The following SHISA9 variants were observed in gnomAD, a reference collection of about 807,000 sequenced individuals.
SHISA9 encodes protein shisa-9.
Under a neutral mutation model 38.0 loss-of-function variants are expected in SHISA9, and 13 were observed. The observed-to-expected ratio is 0.34, with a 90% confidence interval of 0.22 to 0.54. The LOEUF (loss-of-function observed/expected upper bound fraction) is 0.54. Ranked by LOEUF, SHISA9 falls within the 20% of genes least tolerant of loss-of-function variation. SHISA9 has a pLI of 0.91. For missense variants in SHISA9, 538 were observed against 575.8 expected (o/e 0.93, Z 0.67); for synonymous variants, 275 against 242.0 (o/e 1.14, Z -1.27).
At chr16:12,906,036 C>A (rs558501356) in intron 1 of SHISA9, among the ~76,000 whole-genome samples, 1 of 152,176 alleles carries the variant, frequency 6.6e-6, no homozygotes, top group African/African-American at 2.4e-5. Context: ...GGCAACTGAC[C>A]CAGTAGCCTT....
chr16:13,435,663 A>G, the SHISA9 span, among the ~76,000 whole-genome samples: 16 of 152,232 alleles, frequency 1.1e-4, no homozygotes, highest in Non-Finnish European at 2.1e-4. Flanking sequence ...TTATCAAGCC[A>G]GGTTCATTCT....
the SHISA9 span, among the ~76,000 whole-genome samples, chr16:13,362,268 C>T: frequency 7.0e-6 from 1 of 143,848 alleles, no homozygotes; most frequent in Non-Finnish European, 1.5e-5. Context: ...ACAAAAAAAA[C>T]CCCACAAAAA....
At chr16:13,527,560 T>C in the SHISA9 span, among the ~76,000 whole-genome samples, 5 of 152,184 alleles carry the variant, frequency 3.3e-5, no homozygotes, top group African/African-American at 1.2e-4. Context: ...GCAGTCAGTA[T>C]TTTTCTTGTA....
chr16:13,487,668 C>G, the SHISA9 span, among the ~76,000 whole-genome samples: 1 of 152,222 alleles, frequency 6.6e-6, no homozygotes, highest in African/African-American at 2.4e-5. Flanking sequence ...ACTCCATATA[C>G]TTTAAATCAT....
At chr16:13,395,186 G>A in the SHISA9 span, among the ~76,000 whole-genome samples, 10 of 152,116 alleles carry the variant, frequency 6.6e-5, no homozygotes, top group African/African-American at 2.2e-4. Context: ...GTGCACCTTC[G>A]AGGAGCTGAG....
intron 3 of SHISA9, among the ~76,000 whole-genome samples, chr16:13,211,976 A>G (rs1023924831): frequency 1.9e-4 from 28 of 150,956 alleles, no homozygotes; most frequent in African/African-American, 6.8e-4. Flanking sequence ...TAACTTCCTC[A>G]CTCTTCTCTC....
the SHISA9 span, among the ~76,000 whole-genome samples, chr16:13,298,431 C>A: frequency 1.3e-5 from 2 of 152,098 alleles, no homozygotes; most frequent in South Asian, 2.1e-4. Context: ...GAGATTATCA[C>A]CCAGACTTTG....
At chr16:13,228,806 TA>T (rs2142082687) in intron 4 of SHISA9, among the ~76,000 whole-genome samples, 1 of 152,266 alleles carries the variant, frequency 6.6e-6, no homozygotes, top group African/African-American at 2.4e-5. Context: ...CCCCAGGTAT[TA>T]AACCTAGTAC....
At chr16:13,373,550 C>T in the SHISA9 span, among the ~76,000 whole-genome samples, 1 of 152,126 alleles carries the variant, frequency 6.6e-6, no homozygotes, top group African/African-American at 2.4e-5. Context: ...ATCATGAGGT[C>T]AGGAGATCGA....
chr16:13,312,798 T>C, the SHISA9 span, among the ~76,000 whole-genome samples: 1 of 152,170 alleles, frequency 6.6e-6, no homozygotes, highest in Non-Finnish European at 1.5e-5. Context: ...TTACTAGTTT[T>C]CAAGTTTTAG....
the SHISA9 span, among the ~76,000 whole-genome samples, chr16:13,447,489 G>A: frequency 1.8e-4 from 28 of 152,184 alleles, no homozygotes; most frequent in African/African-American, 4.1e-4. Flanking sequence ...CCAGCAATGC[G>A]GGGCAGACAG....
At chr16:13,560,062 C>T in the SHISA9 span, among the ~76,000 whole-genome samples, 1 of 152,224 alleles carries the variant, frequency 6.6e-6, no homozygotes, top group East Asian at 1.9e-4. Flanking sequence ...ACTTGGGCAA[C>T]AGAGAAGTCC....
the SHISA9 span, among the ~76,000 whole-genome samples, chr16:13,551,601 A>G: frequency 6.6e-6 from 1 of 152,238 alleles, no homozygotes; most frequent in Non-Finnish European, 1.5e-5. Context: ...ATTCATGTAC[A>G]TAAGTACTTA....
In SHISA9 at chr16:12,911,289, GCAAA is replaced by G. The variant is rs1233864388; in HGVS notation, c.564-5393_564-5390del. On this transcript the variant is annotated intron_variant, in intron 1 of 4. Transcript: ENST00000558583. ...CTGAGAAGCACTCAAACTATGTGCC[GCAAA>G]CAAACGCCAAATTCTTAGGCATTTG... The G allele has an allele frequency of 1.8e-5, 18 of 985,268 alleles. No individual in the cohort carries two copies. In the African/African-American group the frequency reaches 3.0e-4, roughly 16 times the overall value. 61.0% of individuals were successfully genotyped at this position (985,268 alleles called of 1,614,324 possible). A position where few individuals can be genotyped will look rare whatever the true frequency, so the allele number is the denominator to read the frequency against.
intron 2 of SHISA9, among the ~76,000 whole-genome samples, chr16:13,078,611 G>A (rs1356353621): frequency 6.6e-6 from 1 of 152,058 alleles, no homozygotes; most frequent in Non-Finnish European, 1.5e-5. Flanking sequence ...TTGCCATGTT[G>A]ACCAAGCTGG....
At chr16:12,907,036 A>ATCCCCCT (rs139434096) in intron 1 of SHISA9, among the ~76,000 whole-genome samples, 1 of 125,076 alleles carries the variant, frequency 8.0e-6, no homozygotes, top group African/African-American at 3.2e-5. Flanking sequence ...CCTTCCCTCC[A>ATCCCCCT]TCCCCCTTCC....
At chr16:13,381,632 G>A in the SHISA9 span, among the ~76,000 whole-genome samples, 4 of 152,108 alleles carry the variant, frequency 2.6e-5, no homozygotes, top group African/African-American at 9.7e-5. Flanking sequence ...TATTCCTGCT[G>A]CTTTTCCTTT....
intron 2 of SHISA9, among the ~76,000 whole-genome samples, chr16:13,012,999 G>A (rs2072697199): frequency 6.6e-6 from 1 of 152,286 alleles, no homozygotes; most frequent in South Asian, 2.1e-4. Flanking sequence ...GGGAGACAGG[G>A]AGAAGGGGAC....
chr16:13,026,906 C>A (rs1029938617), intron 2 of SHISA9, among the ~76,000 whole-genome samples: 1 of 152,142 alleles, frequency 6.6e-6, no homozygotes, highest in African/African-American at 2.4e-5. Context: ...GAAGGGAAAA[C>A]CAGTGCCCCT....
Sources: gnomAD v4.1 joint callset for allele counts (sites outside exome capture counted in the v4.1 genomes callset) on GRCh38, gnomAD v4.1.1 for gene constraint, MANE v1.5 for transcripts, NCBI Gene and HGNC (gene_info 2026-07-23, HGNC 2026-07-21) for gene names.